Variants in MYT1L observed in about 807,000 individuals in gnomAD.
MYT1L encodes myelin transcription factor 1 like.
MYT1L carries 12 observed loss-of-function variants against 126.7 expected under a neutral mutation model. The observed-to-expected ratio is 0.09, with a 90% CI of 0.06 to 0.15. MYT1L has a LOEUF of 0.15. MYT1L is among the 10% of genes least tolerant of loss of function. The pLI is 1.00. For missense variants in MYT1L, 979 were observed against 1,585.2 expected, an observed-to-expected ratio of 0.62 and a Z score of 6.49; for synonymous variants, 541 against 604.2, an observed-to-expected ratio of 0.90 and a Z score of 1.53.
intron 3 of MYT1L, among the ~76,000 whole-genome samples, chr2:2,081,779 G>T (rs376208462): frequency 6.6e-6 from 1 of 151,906 alleles, no homozygotes; most frequent in African/African-American, 2.4e-5. Context: ...TCACTCTGTC[G>T]CCCAGGCTGG....
chr2:1,948,696 C>CCCAGCACTGTGTCCTTGT (rs57753534), intron 8 of MYT1L, among the ~76,000 whole-genome samples: 2 of 151,846 alleles, frequency 1.3e-5, no homozygotes, highest in East Asian at 3.9e-4. Context: ...AAGGGCTCAG[C>CCCAGCACTGTGTCCTTGT]CCAGGACCTC....
intron 1 of MYT1L, among the ~76,000 whole-genome samples, chr2:2,289,098 G>C (rs983957726): frequency 6.6e-6 from 1 of 152,170 alleles, no homozygotes; most frequent in Non-Finnish European, 1.5e-5. Flanking sequence ...GATGACACTT[G>C]TCTGGGCAGA....
intron 4 of MYT1L, among the ~76,000 whole-genome samples, chr2:2,024,693 T>C (rs996572634): frequency 6.6e-6 from 1 of 152,254 alleles, no homozygotes; most frequent in Non-Finnish European, 1.5e-5. Flanking sequence ...GTCTGCCTAC[T>C]TTCCCCACGC....
At position 1,889,563 on chromosome 2, in the gene MYT1L, T is replaced by C. The variant is rs1358317259; in HGVS notation, c.2284-86A>G. On this transcript the variant is annotated intron_variant, in intron 15 of 24. Coordinates refer to ENST00000647738, the MANE Select transcript of MYT1L (RefSeq NM_001303052.2). The surrounding 1 kb of genome is among the most constrained non-coding windows in gnomAD (Gnocchi z 4.1). ...TTCCTCCCAGATTACAGTCCTGCCG[T>C]CAGCCAGTGTAGCGTTCAACACAGA... is the stretch of plus-strand genomic sequence containing the variant. 5.4e-6 allele frequency: 6 copies of C among 1,107,578 alleles called. No homozygotes were observed. The highest frequency in any genetic ancestry group is 1.6e-5 in the South Asian group (1 of 64,268). 68.6% of individuals were successfully genotyped at this position (1,107,578 alleles called of 1,614,324 possible).
chr2:1,920,869 C>T (rs981437434), intron 10 of MYT1L, among the ~76,000 whole-genome samples: 8 of 152,308 alleles, frequency 5.3e-5, no homozygotes, highest in Non-Finnish European at 1.5e-5. Context: ...AAAAACAATC[C>T]CTTCGCTACA....
intron 3 of MYT1L, among the ~76,000 whole-genome samples, chr2:2,070,733 T>G (rs1046810346): frequency 4.0e-4 from 61 of 152,308 alleles, no homozygotes; most frequent in African/African-American, 1.4e-3. Context: ...TAAAAAATCA[T>G]TGATGTAAAT....
chr2:1,935,710 CT>C (rs911007133), intron 9 of MYT1L, among the ~76,000 whole-genome samples: 1 of 152,180 alleles, frequency 6.6e-6, no homozygotes, highest in East Asian at 1.9e-4. Flanking sequence ...GGAAACACAC[CT>C]CATTCCTCAA....
intron 3 of MYT1L, among the ~76,000 whole-genome samples, chr2:2,121,207 T>C (rs2080953738): frequency 6.6e-6 from 1 of 152,238 alleles, no homozygotes; most frequent in African/African-American, 2.4e-5. Context: ...TTTTCTAATT[T>C]GCAGCCCAGG....
intron 2 of MYT1L, among the ~76,000 whole-genome samples, chr2:2,233,895 C>T (rs892924745): frequency 7.2e-5 from 11 of 152,184 alleles, no homozygotes; most frequent in African/African-American, 2.7e-4. Flanking sequence ...GCTCAAGGGT[C>T]TATTTTCTTA....
intron 5 of MYT1L, among the ~76,000 whole-genome samples, chr2:1,991,507 T>C (rs2061453589): frequency 6.6e-6 from 1 of 152,126 alleles, no homozygotes; most frequent in Non-Finnish European, 1.5e-5. Flanking sequence ...CTCAAACTCC[T>C]GGCCTCGAGT....
chr2:2,006,866 G>A (rs958468533), intron 4 of MYT1L, among the ~76,000 whole-genome samples: 7 of 151,336 alleles, frequency 4.6e-5, no homozygotes, highest in African/African-American at 1.2e-4. Flanking sequence ...CTGAGCCACC[G>A]CACCCAGGCT....
intron 8 of MYT1L, among the ~76,000 whole-genome samples, chr2:1,967,140 C>T (rs1308414574): frequency 6.6e-6 from 1 of 152,226 alleles, no homozygotes; most frequent in Non-Finnish European, 1.5e-5. Context: ...CTAGTCCTCG[C>T]TTTAATCCTC....
chr2:2,246,107 C>T (rs1297615021), intron 2 of MYT1L, among the ~76,000 whole-genome samples: 1 of 152,204 alleles, frequency 6.6e-6, no homozygotes, highest in Non-Finnish European at 1.5e-5. Context: ...CTAATACAGG[C>T]TCGCTGACTG....
chr2:1,909,807 G>T (rs1255778877), intron 13 of MYT1L, among the ~76,000 whole-genome samples: 2 of 152,160 alleles, frequency 1.3e-5, no homozygotes, highest in African/African-American at 4.8e-5. Flanking sequence ...GCTTCCACAC[G>T]TGTGCACAGG....
At position 2,031,869 on chromosome 2, in the gene MYT1L, G is replaced by A. The variant is rs10199506; in HGVS notation, c.-158+22109C>T. On this transcript the variant is annotated intron_variant, in intron 4 of 24. Coordinates refer to ENST00000647738, the MANE Select transcript of MYT1L (RefSeq NM_001303052.2). Reference sequence around the variant, plus strand: ...CGCCAGTGCCTCTCATCCTGTGACCGAGAGCAGATTCTAGAAGGAGGGCCT... The same window carrying A: ...CGCCAGTGCCTCTCATCCTGTGACCAAGAGCAGATTCTAGAAGGAGGGCCT... 1.0e-4 allele frequency among the ~76,000 whole-genome samples: 8 copies of A among 80,246 alleles called. No individual in the cohort carries two copies. The East Asian group carries it at 1.9e-3, about 19-fold the overall frequency. The allele number at this position is 80,246 out of a possible 152,430, so 52.6% of individuals were successfully genotyped here.
intron 2 of MYT1L, among the ~76,000 whole-genome samples, chr2:2,208,436 C>T (rs2093389663): frequency 6.6e-6 from 1 of 152,102 alleles, no homozygotes; most frequent in South Asian, 2.1e-4. Context: ...GTCAGAGTCC[C>T]ACCCTCATGT....
Position 1,917,042 on chromosome 2 carries a change from T to C in MYT1L, c.1618+163A>G, listed in dbSNP as rs1282031821. On this transcript the variant is annotated intron_variant, in intron 11 of 24. Transcript: ENST00000647738. This position sits in a 1 kb window ranked among gnomAD's most constrained non-coding sequence, Gnocchi z 5.9. The stretch of plus-strand genomic sequence containing the variant: ...CTCTCCTGGGGCTGTGCCATTGGCA[T>C]GCCCACGAATCCTGGATCAGTTGCC... Among the ~76,000 whole-genome samples the C allele has an allele frequency of 6.6e-6, 1 of 152,172 alleles. No homozygotes were observed. The highest frequency in any genetic ancestry group is 2.4e-5 in the African/African-American group (1 of 41,444).
intron 8 of MYT1L, among the ~76,000 whole-genome samples, chr2:1,965,572 G>C (rs746824805): frequency 4.6e-5 from 7 of 152,244 alleles, no homozygotes; most frequent in Non-Finnish European, 1.0e-4. Context: ...GGGTAGGCTG[G>C]AGACAGAGGG....
At chr2:1,843,351 G>C (rs760221793) in intron 19 of MYT1L, among the ~76,000 whole-genome samples, 1 of 152,212 alleles carries the variant, frequency 6.6e-6, no homozygotes, top group Non-Finnish European at 1.5e-5. Flanking sequence ...CACAGAGCGG[G>C]TCATTCAATG....
Sources: gnomAD v4.1 joint callset for allele counts (sites outside exome capture counted in the v4.1 genomes callset) on GRCh38, gnomAD v4.1.1 for gene constraint, Gnocchi (gnomAD v3.1) non-coding constraint, MANE v1.5 for transcripts, NCBI Gene and HGNC (gene_info 2026-07-23, HGNC 2026-07-21) for gene names.